The following SLC8A3 variants were observed in gnomAD, a reference collection of about 807,000 sequenced individuals.
SLC8A3 encodes the protein sodium/calcium exchanger 3.
In SLC8A3, 37 loss-of-function variants were observed where a neutral mutation model predicts 65.4. That is an observed-to-expected ratio of 0.57 (90% CI 0.44 to 0.74). The LOEUF (loss-of-function observed/expected upper bound fraction) is 0.74. Among genes scored for constraint, SLC8A3 ranks in the 30% least tolerant of loss-of-function variants. The probability of loss-of-function intolerance (pLI) is 0.00; values close to 1 mark genes in which losing one functional copy is unlikely to be tolerated. For missense variants in SLC8A3, 1,112 were observed against 1,172.1 expected, an observed-to-expected ratio of 0.95 and a Z score of 0.75; for synonymous variants, 461 against 444.5, an observed-to-expected ratio of 1.04 and a Z score of -0.47.
chr14:70,130,634 C>T (rs11158836), intron 2 of SLC8A3, among the ~76,000 whole-genome samples: 35,719 of 152,172 alleles, frequency 0.23, 4,853 homozygotes, highest in Admixed American at 0.33. Flanking sequence ...GAGCCATGAA[C>T]ACTCATAATA....
chr14:70,072,003 G>C (rs1332642633), intron 2 of SLC8A3, among the ~76,000 whole-genome samples: 6 of 152,162 alleles, frequency 3.9e-5, no homozygotes, highest in Non-Finnish European at 8.8e-5. Flanking sequence ...CCTGTGACTA[G>C]CTGGACTCAT....
intron 2 of SLC8A3, among the ~76,000 whole-genome samples, chr14:70,107,980 C>A (rs1892992134): frequency 6.6e-6 from 1 of 152,090 alleles, no homozygotes; most frequent in Non-Finnish European, 1.5e-5. Context: ...TCTTTCTTCT[C>A]TTGGACGTCT....
intron 1 of SLC8A3, among the ~76,000 whole-genome samples, chr14:70,176,159 T>C (rs533255985): frequency 6.6e-6 from 1 of 152,368 alleles, no homozygotes; most frequent in East Asian, 1.9e-4. Context: ...CCAGAGGACT[T>C]TGCCCTCTCC....
chr14:70,080,680 T>C (rs1482040467), intron 2 of SLC8A3, among the ~76,000 whole-genome samples: 1 of 152,210 alleles, frequency 6.6e-6, no homozygotes, highest in Non-Finnish European at 1.5e-5. Context: ...AGGATTGTCA[T>C]GGATTCTATT....
intron 2 of SLC8A3, among the ~76,000 whole-genome samples, chr14:70,163,168 C>T (rs931887677): frequency 6.6e-6 from 1 of 152,216 alleles, no homozygotes; most frequent in African/African-American, 2.4e-5. Context: ...TACGAGAAGG[C>T]ACTGTGCATT....
intron 2 of SLC8A3, among the ~76,000 whole-genome samples, chr14:70,067,517 T>G (rs1376322158): frequency 6.6e-6 from 1 of 152,224 alleles, no homozygotes; most frequent in African/African-American, 2.4e-5. Context: ...CCCAGCACAG[T>G]GCCTGGCATA....
chr14:70,099,160 G>A (rs943387580), intron 2 of SLC8A3, among the ~76,000 whole-genome samples: 18 of 152,152 alleles, frequency 1.2e-4, no homozygotes, highest in Middle Eastern at 3.4e-3. Flanking sequence ...TTCACATCCC[G>A]AGAAGGAGGG....
At chr14:70,144,628 T>TAAA (rs34113457) in intron 2 of SLC8A3, among the ~76,000 whole-genome samples, 8 of 143,074 alleles carry the variant, frequency 5.6e-5, no homozygotes, top group African/African-American at 7.8e-5. Context: ...AGACTCCACC[T>TAAA]AAAAAAAAAA....
intron 2 of SLC8A3, among the ~76,000 whole-genome samples, chr14:70,072,415 T>C (rs532195233): frequency 6.8e-6 from 1 of 146,126 alleles, no homozygotes; most frequent in East Asian, 2.1e-4. Flanking sequence ...TTAGACATTA[T>C]TCTTTTAAAG....
chr14:70,069,608 T>G (rs1321791337), intron 2 of SLC8A3, among the ~76,000 whole-genome samples: 1 of 152,128 alleles, frequency 6.6e-6, no homozygotes, highest in Non-Finnish European at 1.5e-5. Context: ...TGGGTGTCAC[T>G]GCCCCATCTC....
At chr14:70,095,499 C>A (rs1892111023) in intron 2 of SLC8A3, among the ~76,000 whole-genome samples, 1 of 152,320 alleles carries the variant, frequency 6.6e-6, no homozygotes, top group South Asian at 2.1e-4. Context: ...TCACTTGGAC[C>A]ACAACAGCGG....
intron 2 of SLC8A3, among the ~76,000 whole-genome samples, chr14:70,129,835 C>G (rs78358474): frequency 0.048 from 7,257 of 152,304 alleles, 218 homozygotes; most frequent in Middle Eastern, 0.075. Flanking sequence ...AAACAGTAAA[C>G]TCTTGGAGGG....
chr14:70,097,176 G>T (rs991941383), intron 2 of SLC8A3, among the ~76,000 whole-genome samples: 1 of 151,834 alleles, frequency 6.6e-6, no homozygotes, highest in Non-Finnish European at 1.5e-5. Flanking sequence ...AAACTAACTG[G>T]GAATATGGGA....
chr14:70,168,194 C>T lies in SLC8A3; in HGVS notation c.229G>A (p.Val77Ile). The T allele has an allele frequency of 6.2e-7, 1 of 1,614,140 alleles. No homozygotes were observed. The highest frequency in any genetic ancestry group is 8.5e-7 in the Non-Finnish European group (1 of 1,180,020). ...NPSLGDKIAR[V>I]IVYFVALIYM... is the part of the protein sequence containing the mutation. ...ATCAGGGCCACAAAATAGACAATGA[C>T]CCTGGCAATCTTGTCCCCAAGGGAA... Residue 77 changes from valine to isoleucine, a missense_variant, in exon 2 of 7, where the codon GTC becomes ATC. Coordinates refer to ENST00000356921, the MANE Select transcript of SLC8A3 (RefSeq NM_182932.3).
chr14:70,135,923 G>T (rs1177050353), intron 2 of SLC8A3, among the ~76,000 whole-genome samples: 1 of 152,166 alleles, frequency 6.6e-6, no homozygotes, highest in East Asian at 1.9e-4. Context: ...TCAAAGAAAT[G>T]AGAAATGTTT....
chr14:70,053,620 C>T (rs1887739583), intron 3 of SLC8A3, among the ~76,000 whole-genome samples: 2 of 152,204 alleles, frequency 1.3e-5, no homozygotes, highest in African/African-American at 4.8e-5. Context: ...TATAAATGTA[C>T]CTGTCTAACC....
chr14:70,131,268 A>G (rs776504389), intron 2 of SLC8A3, among the ~76,000 whole-genome samples: 3 of 152,198 alleles, frequency 2.0e-5, no homozygotes, highest in Non-Finnish European at 2.9e-5. Context: ...AGACTGTGAG[A>G]CATTCAGTTT....
intron 2 of SLC8A3, among the ~76,000 whole-genome samples, chr14:70,115,371 C>T (rs978724364): frequency 6.6e-6 from 1 of 152,194 alleles, no homozygotes; most frequent in Non-Finnish European, 1.5e-5. Context: ...GGAGAGCAGC[C>T]TTTTCATTAC....
At chr14:70,054,067 A>C (rs1887800624) in intron 3 of SLC8A3, among the ~76,000 whole-genome samples, 1 of 152,248 alleles carries the variant, frequency 6.6e-6, no homozygotes, top group Non-Finnish European at 1.5e-5. Flanking sequence ...GACTGACTAA[A>C]TAAACTCTCA....
Sources: gnomAD v4.1 joint callset for allele counts (sites outside exome capture counted in the v4.1 genomes callset) on GRCh38, gnomAD v4.1.1 for gene constraint, MANE v1.5 for transcripts, NCBI Gene and HGNC (gene_info 2026-07-23, HGNC 2026-07-21) for gene names.